The following RPS24 variants were observed in gnomAD, a reference collection of about 807,000 sequenced individuals.
RPS24 encodes the protein ribosomal protein S24.
For synonymous variants in RPS24, 72 were observed against 55.6 expected (o/e 1.30, Z -1.31); for missense variants, 100 against 162.5 (o/e 0.62, Z 2.09).
chr10:78,053,625 T>A (rs1848122332), intron 4 of RPS24, among the ~76,000 whole-genome samples: 1 of 152,154 alleles, frequency 6.6e-6, no homozygotes, highest in Non-Finnish European at 1.5e-5. Flanking sequence ...CCTCTTTGGC[T>A]TCTTCAGCTC....
At position 78,033,882 on chromosome 10, in the gene RPS24, T is replaced by G. The variant is rs1445374292; in HGVS notation, c.-20T>G. 1.2e-6 allele frequency: 2 copies of G among 1,614,104 alleles called. No individual in the cohort carries two copies. Among genetic ancestry groups the G allele is most frequent in the African/African-American group, 2.7e-5 (2 of 75,062 alleles). ...GTGGTTCTCTTTTCCTCCTTGGCTG[T>G]CTGAAGATAGATCGCCATCATGGTG... On this transcript the variant is annotated 5_prime_UTR_variant, in exon 1 of 6. Coordinates refer to ENST00000372360, the MANE Select transcript of RPS24 (RefSeq NM_033022.4).
chr10:78,047,125 T>A (rs1848051935), intron 4 of RPS24, among the ~76,000 whole-genome samples: 1 of 151,724 alleles, frequency 6.6e-6, no homozygotes, highest in Non-Finnish European at 1.5e-5. Context: ...CTGGCTAATT[T>A]TTTTTTTTTT....
chr10:78,054,624 C>CG lies in RPS24; in HGVS notation c.490dup (p.Val164GlyfsTer37), dbSNP rs1564633565. ...GAAGAACTCGAAGGCAAGAGAAAGC[C>CG]GGGGGGTTGTGTGGCAGGTAGAAGT... On this transcript the variant is annotated frameshift_variant, in exon 5 of 5. Transcript: ENST00000440692. LOFTEE classifies it low-confidence loss of function (END_TRUNC). 3 of 1,551,566 alleles carry CG rather than the reference C, an allele frequency of 1.9e-6. No individual in the cohort carries two copies. The highest frequency in any genetic ancestry group is 2.4e-5 in the East Asian group (1 of 40,898).
At chr10:78,054,909 C>T (rs1008386136) in exon 5 of RPS24, 2 of 1,531,484 alleles carry the variant, frequency 1.3e-6, no homozygotes, top group African/African-American at 1.4e-5. Context: ...TCTGTCACCC[C>T]ACATCCAGGC....
chr10:78,042,738 G>A (rs1847999308), downstream of RPS24, among the ~76,000 whole-genome samples: 1 of 152,162 alleles, frequency 6.6e-6, no homozygotes, highest in African/African-American at 2.4e-5. Context: ...TCAGCTAGAG[G>A]TGGTTCTGGG....
chr10:78,038,299 C>T (rs991650026), intron 4 of RPS24: 11 of 179,254 alleles, frequency 6.1e-5, no homozygotes, highest in Admixed American at 1.8e-4. Flanking sequence ...CAAGTAGGCA[C>T]TTGGGAAATG....
chr10:78,037,902 CTTTTTTTTTTT>C lies in RPS24; in HGVS notation c.390+611_390+621del, dbSNP rs55902139. On this transcript the variant is annotated intron_variant, in intron 4 of 5. Coordinates refer to ENST00000372360, the MANE Select transcript of RPS24 (RefSeq NM_033022.4). Reference sequence around the variant, plus strand: ...AACAAATAATCAAGTGTTCTGTGAACTTTTTTTTTTTTTTTTTTTTTTTGCTTTTCCTCTCT... The same window carrying C: ...AACAAATAATCAAGTGTTCTGTGAACTTTTTTTTTTTTGCTTTTCCTCTCT... The C allele has an allele frequency of 3.4e-5, 13 of 379,938 alleles. No individual in the cohort carries two copies. In the Admixed American group the frequency reaches 6.3e-4, roughly 18 times the overall value. The allele number at this position is 379,938 out of a possible 1,614,324, so 23.5% of individuals were successfully genotyped here.
At chr10:78,034,180 G>A (rs1847805820) in intron 1 of RPS24, 1 of 542,954 alleles carries the variant, frequency 1.8e-6, no homozygotes, top group Admixed American at 3.1e-5. Context: ...GGTGGATGGG[G>A]GTAGGGGGCG....
At chr10:78,042,880 C>T (rs918457812), downstream of RPS24, among the ~76,000 whole-genome samples, 4 of 152,222 alleles carry the variant, frequency 2.6e-5, no homozygotes, top group Non-Finnish European at 5.9e-5. Context: ...CCTTTCTTCC[C>T]TGGCAAGTTG....
At chr10:78,034,278 G>T in intron 1 of RPS24, 1 of 373,562 alleles carries the variant, frequency 2.7e-6, no homozygotes, top group East Asian at 5.0e-5. Flanking sequence ...GGCAGTACAA[G>T]AGGTGAAGAA....
At chr10:78,055,026 C>T (rs769160910) in exon 5 of RPS24, 7 of 1,456,512 alleles carry the variant, frequency 4.8e-6, no homozygotes, top group Admixed American at 2.8e-5. Flanking sequence ...CTGCCATGGC[C>T]GCCTTGCTGC....
At chr10:78,054,537 G>A in exon 5 of RPS24, 2 of 1,538,158 alleles carry the variant, frequency 1.3e-6, no homozygotes, top group Non-Finnish European at 1.8e-6. Flanking sequence ...GCAGATGAGG[G>A]AATTGGGGCT....
chr10:78,036,211 T>G, intron 3 of RPS24: 1 of 196,524 alleles, frequency 5.1e-6, no homozygotes, highest in Non-Finnish European at 1.1e-5. Context: ...CTTGTTTTGT[T>G]TGTTCCTTTA....
downstream of RPS24, among the ~76,000 whole-genome samples, chr10:78,042,083 G>A (rs1481084553): frequency 6.6e-6 from 1 of 152,174 alleles, no homozygotes; most frequent in African/African-American, 2.4e-5. Flanking sequence ...ATAACATTTG[G>A]AAACTTGGCA....
At chr10:78,051,133 C>T (rs1179361837) in intron 4 of RPS24, among the ~76,000 whole-genome samples, 5 of 152,220 alleles carry the variant, frequency 3.3e-5, no homozygotes, top group South Asian at 2.1e-4. Context: ...GAGGTTGCAG[C>T]GAGCTGAGAT....
At position 78,035,597 on chromosome 10, in the gene RPS24, G is replaced by A. The variant is rs150157180; in HGVS notation, c.156G>A (p.Pro52=). The change falls in exon 3 of 6, where the codon CCG becomes CCA. Residue 52 remains proline (P), a synonymous_variant. Transcript: ENST00000372360. ...EKLAKMYKTT[P]DVIFVFGFRT... is the part of the protein sequence containing the mutation. ...TAGCCAAAATGTACAAGACCACACCGGATGTCATCTTTGTATTTGGATTCA... is the reference window on the plus strand; with the variant it reads ...TAGCCAAAATGTACAAGACCACACCAGATGTCATCTTTGTATTTGGATTCA... The A allele has an allele frequency of 9.9e-6, 16 of 1,613,286 alleles. No homozygotes were observed. Among genetic ancestry groups the A allele is most frequent in the Admixed American group, 8.3e-5 (5 of 59,994 alleles).
intron 1 of RPS24, among the ~76,000 whole-genome samples, chr10:78,034,783 G>A (rs1310969371): frequency 6.6e-6 from 1 of 152,238 alleles, no homozygotes; most frequent in African/African-American, 2.4e-5. Context: ...TAGGTAGTGA[G>A]TACAAGGTTT....
At chr10:78,051,616 G>A (rs1848099681) in intron 4 of RPS24, among the ~76,000 whole-genome samples, 1 of 152,162 alleles carries the variant, frequency 6.6e-6, no homozygotes. Flanking sequence ...GAATTGCTGG[G>A]CCTTATGGTG....
At position 78,035,419 on chromosome 10, in the gene RPS24, T is replaced by TA; in HGVS notation, c.69+4dup. ...CGACTACTTCAGAGGAAACAAATGG[T>TA]AAGGAAGGGCACATCAATCTTTGCT... On this transcript the variant is annotated splice_region_variant and intron_variant, in intron 2 of 5. Transcript: ENST00000372360. 6.2e-7 allele frequency: 1 copy of TA among 1,613,988 alleles called. No individual in the cohort carries two copies. The highest frequency in any genetic ancestry group is 1.1e-5 in the South Asian group (1 of 91,086).
Sources: gnomAD v4.1 joint callset for allele counts (sites outside exome capture counted in the v4.1 genomes callset) on GRCh38, gnomAD v4.1.1 for gene constraint, MANE v1.5 for transcripts, NCBI Gene and HGNC (gene_info 2026-07-23, HGNC 2026-07-21) for gene names.